PRDM5: variants seen among roughly 807,000 people sequenced by gnomAD.
The protein encoded by PRDM5 is PR domain zinc finger protein 5.
Under a neutral mutation model 81.2 loss-of-function variants are expected in PRDM5, and 56 were observed. That is an observed-to-expected ratio of 0.69 (90% CI 0.56 to 0.86). The LOEUF is 0.86. Ranked by LOEUF, PRDM5 falls within the 40% of genes least tolerant of loss-of-function variation. The probability of loss-of-function intolerance (pLI) is 0.00; values close to 1 mark genes in which losing one functional copy is unlikely to be tolerated. For synonymous variants in PRDM5, 267 were observed against 256.4 expected, an observed-to-expected ratio of 1.04 and a Z score of -0.39; for missense variants, 697 against 770.1, an observed-to-expected ratio of 0.91 and a Z score of 1.12.
chr4:120,802,789 A>C (rs1413406294), intron 8 of PRDM5, among the ~76,000 whole-genome samples: 1 of 152,204 alleles, frequency 6.6e-6, no homozygotes, highest in Non-Finnish European at 1.5e-5. Flanking sequence ...AAATTTTAAA[A>C]ATCAGAGCGC....
chr4:120,803,860 C>G (rs941806663), intron 8 of PRDM5, among the ~76,000 whole-genome samples: 7 of 152,096 alleles, frequency 4.6e-5, no homozygotes, highest in Admixed American at 3.3e-4. Context: ...ACAATATTAA[C>G]CTTAAATGTA....
At chr4:120,873,877 T>C (rs190581091) in intron 2 of PRDM5, among the ~76,000 whole-genome samples, 57 of 152,334 alleles carry the variant, frequency 3.7e-4, no homozygotes, top group Middle Eastern at 3.4e-3. Flanking sequence ...GGATAGTAGA[T>C]AGAAACTATT....
chr4:120,725,961 G>A (rs17346897), intron 14 of PRDM5, among the ~76,000 whole-genome samples: 25,511 of 152,052 alleles, frequency 0.17, 2,380 homozygotes, highest in Middle Eastern at 0.35. Context: ...AACAAGCTTA[G>A]TTACCAAGGA....
At chr4:120,734,401 C>CACACACACACACAAAT (rs1740758449) in intron 14 of PRDM5, among the ~76,000 whole-genome samples, 4 of 145,542 alleles carry the variant, frequency 2.7e-5, no homozygotes, top group African/African-American at 8.0e-5. Context: ...AACACACACA[C>CACACACACACACAAAT]ACACACACAC....
At chr4:120,716,957 C>T (rs116028917) in intron 14 of PRDM5, among the ~76,000 whole-genome samples, 177 of 151,450 alleles carry the variant, frequency 1.2e-3, no homozygotes, top group African/African-American at 4.0e-3. Flanking sequence ...AAAGAAATAC[C>T]AATCAGAACA....
At chr4:120,902,893 T>C (rs1421110291) in intron 2 of PRDM5, among the ~76,000 whole-genome samples, 1 of 152,156 alleles carries the variant, frequency 6.6e-6, no homozygotes, top group Non-Finnish European at 1.5e-5. Flanking sequence ...CCCATGACCC[T>C]AAGATCCCTT....
At chr4:120,907,657 A>G in intron 1 of PRDM5, 100 bp from the exon 2 acceptor site, 2 of 913,672 alleles carry the variant, frequency 2.2e-6, no homozygotes, top group Non-Finnish European at 3.7e-6. Context: ...GCAAATCTTC[A>G]TGCCCAAAGA....
intron 3 of PRDM5, among the ~76,000 whole-genome samples, chr4:120,835,035 A>C (rs1192656886): frequency 6.6e-6 from 1 of 152,232 alleles, no homozygotes; most frequent in African/African-American, 2.4e-5. Context: ...GTTTTCACTT[A>C]AGTAATCTGA....
intron 14 of PRDM5, among the ~76,000 whole-genome samples, chr4:120,746,061 C>T (rs1742954739): frequency 7.1e-6 from 1 of 141,078 alleles, no homozygotes; most frequent in African/African-American, 2.8e-5. Flanking sequence ...ACCAAAACAG[C>T]ATGGTACTGG....
rs1463793614 is a variant in PRDM5, at chr4:120,754,567, G to T, written c.1609C>A (p.Arg537Ser). ...TATAATCTTACCCTGGTGTGAGTAC[G>T]AATGTGCATCTTCAGTCCATCATTT... Reference protein sequence around the residue: ...SKNDGLKMHIRTHTREKPYKC... With the variant: ...SKNDGLKMHISTHTREKPYKC... Residue 537 changes from arginine to serine, a missense_variant, in exon 14 of 16, where the codon CGT becomes AGT. Coordinates refer to ENST00000264808, the MANE Select transcript of PRDM5 (RefSeq NM_018699.4). The T allele has an allele frequency of 7.6e-6, 12 of 1,577,878 alleles. No individual in the cohort carries two copies. The highest frequency in any genetic ancestry group is 9.6e-6 in the Non-Finnish European group (11 of 1,147,350).
At chr4:120,867,049 C>A (rs758237805) in intron 2 of PRDM5, among the ~76,000 whole-genome samples, 50 of 152,234 alleles carry the variant, frequency 3.3e-4, no homozygotes, top group Admixed American at 6.5e-4. Context: ...GGACTGAAAA[C>A]AGTCTCTAGC....
chr4:120,824,987 T>G (rs1331418568), intron 3 of PRDM5, among the ~76,000 whole-genome samples: 1 of 152,154 alleles, frequency 6.6e-6, no homozygotes, highest in East Asian at 1.9e-4. Flanking sequence ...TTATTACTTT[T>G]GTAGTAAAAG....
intron 2 of PRDM5, among the ~76,000 whole-genome samples, chr4:120,871,308 A>C (rs1268759580): frequency 6.6e-6 from 1 of 152,168 alleles, no homozygotes; most frequent in Non-Finnish European, 1.5e-5. Flanking sequence ...GTTCTTCCTC[A>C]GGTTGAGCCC....
intron 2 of PRDM5, among the ~76,000 whole-genome samples, chr4:120,863,191 T>TATACACACACACACACACACAC (rs1553997193): frequency 1.7e-4 from 12 of 70,322 alleles, no homozygotes; most frequent in Non-Finnish European, 8.3e-5. Context: ...TATATATATA[T>TATACACACACACACACACACAC]ACACACACAC....
Position 120,922,625 on chromosome 4 carries a change from G to A in PRDM5, c.-17C>T, listed in dbSNP as rs1193233901. 5.1e-6 allele frequency: 8 copies of A among 1,567,586 alleles called. No homozygotes were observed. The East Asian group carries it at 1.9e-4, about 37-fold the overall frequency. ...GCCCAGCATTTTCCCGGGCGCGGCG[G>A]CCGCCGCCTCTCTCAACACCGGCGC... On this transcript the variant is annotated 5_prime_UTR_variant, in exon 1 of 16. Coordinates refer to ENST00000264808, the MANE Select transcript of PRDM5 (RefSeq NM_018699.4).
intron 10 of PRDM5, among the ~76,000 whole-genome samples, chr4:120,794,556 CACAT>C (rs1426313024): frequency 2.7e-4 from 36 of 135,102 alleles, no homozygotes; most frequent in South Asian, 4.7e-4. Context: ...CACACACACA[CACAT>C]ACAAATACAC....
chr4:120,715,661 A>T (rs1487424408), intron 14 of PRDM5, among the ~76,000 whole-genome samples: 2 of 152,012 alleles, frequency 1.3e-5, no homozygotes, highest in Non-Finnish European at 2.9e-5. Context: ...CTTTTATTTT[A>T]AAAAAACATA....
chr4:120,742,174 C>A (rs1035587356), intron 14 of PRDM5, among the ~76,000 whole-genome samples: 1 of 152,204 alleles, frequency 6.6e-6, no homozygotes, highest in African/African-American at 2.4e-5. Flanking sequence ...GGCACACTAA[C>A]ACCTCACACT....
chr4:120,724,170 A>G (rs1309427274), intron 14 of PRDM5, among the ~76,000 whole-genome samples: 2 of 152,190 alleles, frequency 1.3e-5, no homozygotes, highest in Non-Finnish European at 2.9e-5. Context: ...AGCAATCAAG[A>G]TAATTCCCAT....
Sources: gnomAD v4.1 joint callset for allele counts (sites outside exome capture counted in the v4.1 genomes callset) on GRCh38, gnomAD v4.1.1 for gene constraint, MANE v1.5 for transcripts, NCBI Gene and HGNC (gene_info 2026-07-23, HGNC 2026-07-21) for gene names.